The following GALNT13 variants were observed in gnomAD, a reference collection of about 807,000 sequenced individuals.
GALNT13 encodes the protein UDP-GalNAc:polypeptide N-acetylgalactosaminyltransferase 13.
In GALNT13, 28 loss-of-function variants were observed where a neutral mutation model predicts 64.2. That is an observed-to-expected ratio of 0.44 (90% CI 0.32 to 0.60). The LOEUF is 0.60. Ranked by LOEUF, GALNT13 falls within the 20% of genes least tolerant of loss-of-function variation. The pLI, the probability that GALNT13 is intolerant of heterozygous loss-of-function variation, is 0.05. For synonymous variants in GALNT13, 214 were observed against 224.6 expected, an observed-to-expected ratio of 0.95 and a Z score of 0.42; for missense variants, 577 against 669.8, an observed-to-expected ratio of 0.86 and a Z score of 1.53.
the GALNT13 span, among the ~76,000 whole-genome samples, chr2:153,492,384 A>G: frequency 2.0e-5 from 3 of 152,242 alleles, no homozygotes; most frequent in African/African-American, 7.2e-5. Flanking sequence ...CTGATTAACT[A>G]AAAGGTACTA....
chr2:153,100,253 G>A, the GALNT13 span, among the ~76,000 whole-genome samples: 1 of 152,176 alleles, frequency 6.6e-6, no homozygotes, highest in Non-Finnish European at 1.5e-5. Flanking sequence ...ACAAAAGATG[G>A]CAGAACTTGG....
At chr2:154,124,012 A>G (rs1574547278) in intron 3 of GALNT13, among the ~76,000 whole-genome samples, 1 of 152,190 alleles carries the variant, frequency 6.6e-6, no homozygotes, top group South Asian at 2.1e-4. Flanking sequence ...ATTTTATTGC[A>G]TTTGAATAAT....
the GALNT13 span, among the ~76,000 whole-genome samples, chr2:153,824,649 C>T: frequency 6.6e-6 from 1 of 152,050 alleles, no homozygotes; most frequent in Non-Finnish European, 1.5e-5. Flanking sequence ...TTTTTCACAT[C>T]TGATATGATT....
chr2:153,639,677 G>C, the GALNT13 span, among the ~76,000 whole-genome samples: 2 of 152,164 alleles, frequency 1.3e-5, no homozygotes, highest in Non-Finnish European at 2.9e-5. Context: ...ACTCACGATG[G>C]AGGAGAATGC....
chr2:153,867,040 G>T (rs1306328107), upstream of GALNT13, among the ~76,000 whole-genome samples: 1 of 152,148 alleles, frequency 6.6e-6, no homozygotes, highest in Non-Finnish European at 1.5e-5. Flanking sequence ...TATGAAGAAT[G>T]CCCGTGCATT....
chr2:153,211,392 C>T, the GALNT13 span, among the ~76,000 whole-genome samples: 29 of 152,308 alleles, frequency 1.9e-4, 1 homozygote, highest in East Asian at 5.6e-3. Flanking sequence ...ATCCACCCAT[C>T]TTGGCTTCCC....
chr2:154,091,311 T>G (rs1436266588), intron 3 of GALNT13, among the ~76,000 whole-genome samples: 1 of 151,960 alleles, frequency 6.6e-6, no homozygotes. Flanking sequence ...ATATTTAATT[T>G]TTAACGTTCT....
At chr2:153,250,004 A>C in the GALNT13 span, among the ~76,000 whole-genome samples, 1 of 152,186 alleles carries the variant, frequency 6.6e-6, no homozygotes, top group Non-Finnish European at 1.5e-5. Flanking sequence ...AAAACACAAA[A>C]AGCAACTGCA....
At chr2:153,204,470 A>T in the GALNT13 span, among the ~76,000 whole-genome samples, 3 of 152,098 alleles carry the variant, frequency 2.0e-5, no homozygotes, top group Admixed American at 2.0e-4. Flanking sequence ...TTTTAGTTAT[A>T]CTTACTGGCT....
intron 4 of GALNT13, among the ~76,000 whole-genome samples, chr2:154,210,437 G>A (rs539024644): frequency 6.6e-5 from 10 of 152,206 alleles, no homozygotes; most frequent in South Asian, 2.1e-4. Context: ...CTGTACTAAT[G>A]TACATTCCCT....
Position 154,391,206 on chromosome 2 carries a change from TAG to T in GALNT13, c.1157-4782_1157-4781del, listed in dbSNP as rs112336723. On this transcript the variant is annotated intron_variant, in intron 9 of 12. Transcript: ENST00000392825. ...TACAGCTACCCAGTTCCAGAGGAAA[TAG>T]AGTTTCAACTTTCTAATAGCCCTAG... Among the ~76,000 whole-genome samples the T allele has an allele frequency of 2.5e-3, 374 of 152,272 alleles. 2 individuals carry two copies. Among genetic ancestry groups the T allele is most frequent in the African/African-American group, 8.0e-3 (331 of 41,560 alleles).
intron 3 of GALNT13, among the ~76,000 whole-genome samples, chr2:153,951,988 T>C (rs1692219200): frequency 6.6e-6 from 1 of 152,036 alleles, no homozygotes; most frequent in Non-Finnish European, 1.5e-5. Context: ...ATGCTATTTG[T>C]TTTTCTGTTT....
the GALNT13 span, among the ~76,000 whole-genome samples, chr2:153,286,470 A>G: frequency 6.6e-6 from 1 of 152,328 alleles, no homozygotes; most frequent in South Asian, 2.1e-4. Flanking sequence ...GTATTCAACA[A>G]TAATTCATTT....
At chr2:154,127,252 T>C (rs1226009623) in intron 3 of GALNT13, among the ~76,000 whole-genome samples, 4 of 152,070 alleles carry the variant, frequency 2.6e-5, no homozygotes, top group African/African-American at 9.7e-5. Flanking sequence ...ATAATATAAA[T>C]AGATATTAAA....
the GALNT13 span, among the ~76,000 whole-genome samples, chr2:153,497,099 C>T: frequency 5.3e-5 from 8 of 151,720 alleles, no homozygotes; most frequent in South Asian, 8.3e-4. Context: ...ATTCAAATAG[C>T]GGACACTCTG....
chr2:153,179,009 C>T, the GALNT13 span, among the ~76,000 whole-genome samples: 2 of 151,902 alleles, frequency 1.3e-5, no homozygotes, highest in African/African-American at 4.8e-5. Context: ...TCCCAAAGTG[C>T]TGGGATTACA....
chr2:154,431,760 T>G (rs567182522), intron 11 of GALNT13, among the ~76,000 whole-genome samples: 2 of 152,314 alleles, frequency 1.3e-5, no homozygotes, highest in Admixed American at 6.5e-5. Flanking sequence ...GGCAGGTTTT[T>G]CCCATGTTGT....
At chr2:153,105,354 G>C in the GALNT13 span, among the ~76,000 whole-genome samples, 1 of 152,096 alleles carries the variant, frequency 6.6e-6, no homozygotes, top group African/African-American at 2.4e-5. Context: ...TATAAATTAG[G>C]TATTGATGGG....
the GALNT13 span, among the ~76,000 whole-genome samples, chr2:153,473,816 G>C: frequency 1.3e-5 from 2 of 152,186 alleles, no homozygotes; most frequent in South Asian, 4.1e-4. Context: ...AAGGAAAAAT[G>C]CTTTAGGGAG....
Sources: gnomAD v4.1 joint callset for allele counts (sites outside exome capture counted in the v4.1 genomes callset) on GRCh38, gnomAD v4.1.1 for gene constraint, MANE v1.5 for transcripts, NCBI Gene and HGNC (gene_info 2026-07-23, HGNC 2026-07-21) for gene names.